Variants in RP1L1 observed in about 807,000 individuals in gnomAD.
RP1L1 encodes retinitis pigmentosa 1-like 1 protein.
In RP1L1, 27 loss-of-function variants were observed where a neutral mutation model predicts 15.7. The observed-to-expected ratio is 1.72, with a 90% CI of 1.27 to 2.38. The LOEUF (loss-of-function observed/expected upper bound fraction) is 2.38, where lower values mean the gene tolerates loss of function less well. Ranked by LOEUF, RP1L1 falls within the 30% of genes most tolerant of loss-of-function variation. The probability of loss-of-function intolerance (pLI) is 0.00; values close to 1 mark genes in which losing one functional copy is unlikely to be tolerated. For synonymous variants in RP1L1, 1,813 were observed against 1,276.7 expected (o/e 1.42, Z -8.96); for missense variants, 4,798 against 3,075.9 (o/e 1.56, Z -13.24).
chr8:10,614,718 A>G (rs1460568438), intron 3 of RP1L1, among the ~76,000 whole-genome samples: 4 of 143,830 alleles, frequency 2.8e-5, no homozygotes, highest in African/African-American at 1.1e-4. Context: ...GGAAGGAAGG[A>G]AAAAAAAAAG....
chr8:10,626,439 C>T (rs1268243945), intron 1 of RP1L1, among the ~76,000 whole-genome samples: 4 of 152,138 alleles, frequency 2.6e-5, no homozygotes, highest in Non-Finnish European at 5.9e-5. Context: ...GTGGGGCATG[C>T]AGCCCCCGGA....
Position 10,610,312 on chromosome 8 carries a change from C to G in RP1L1, c.3786G>C (p.Leu1262Phe), listed in dbSNP as rs1171094556. Residue 1262 changes from leucine to phenylalanine, a missense_variant, in exon 4 of 4, where the codon TTG (leucine) becomes TTC (phenylalanine). Leu to Phe is a conservative substitution (Grantham distance 22, BLOSUM62 0). Transcript: ENST00000382483. Reference sequence around the variant, plus strand: ...TGGCACAAGCGCAGGCTCGGGCGTTCAAGAAGGTTGGGAAACAACACTGCT... The same window carrying G: ...TGGCACAAGCGCAGGCTCGGGCGTTGAAGAAGGTTGGGAAACAACACTGCT... ...NQQQCCFPTFLNARACACATN... is the reference protein window; with the variant it reads ...NQQQCCFPTFFNARACACATN... The G allele has an allele frequency of 6.2e-7, 1 of 1,614,218 alleles. No individual in the cohort carries two copies.
At position 10,610,687 on chromosome 8, in the gene RP1L1, G is replaced by C. The variant is rs1210845144; in HGVS notation, c.3411C>G (p.Ser1137Arg). 7.4e-6 allele frequency: 12 copies of C among 1,612,270 alleles called. No individual in the cohort carries two copies. The highest frequency in any genetic ancestry group is 2.2e-5 in the East Asian group (1 of 44,856). The change falls in exon 4 of 4, where the codon AGC becomes AGG. Residue 1137 changes from serine (S) to arginine (R), a missense_variant. By Grantham distance (110) the Ser-to-Arg change is moderately radical (BLOSUM62 -1). Transcript: ENST00000382483. The part of the protein sequence containing the change: ...LFEEDLGSPA[S>R]KVRFKDSPRY... The stretch of plus-strand genomic sequence containing the variant: ...GAGGGGAGTCTTTGAACCTCACTTT[G>C]CTGGCAGGAGACCCAAGGTCTTCCT...
chr8:10,622,155 C>T (rs1243531882), intron 2 of RP1L1, among the ~76,000 whole-genome samples: 3 of 152,032 alleles, frequency 2.0e-5, no homozygotes, highest in Admixed American at 6.6e-5. Context: ...AACCCTGTCT[C>T]TACTAAAACT....
rs772135394 is a variant in RP1L1 at position 10,613,076 on chromosome 8, C to T, written c.1022G>A (p.Arg341Gln). Residue 341 changes from arginine (R) to glutamine (Q), a missense_variant, in exon 4 of 4, where the codon CGG becomes CAG. Coordinates refer to ENST00000382483, the MANE Select transcript of RP1L1 (RefSeq NM_178857.6). ...LVGEDTLLWSRRMGRASALTA... is the reference protein window; with the variant it reads ...LVGEDTLLWSQRMGRASALTA... Reference sequence around the variant, plus strand: ...GAGGGCGCTGGCCCTGCCCATCCTCCGGGACCATAGGAGCGTGTCCTCGCC... The same window carrying T: ...GAGGGCGCTGGCCCTGCCCATCCTCTGGGACCATAGGAGCGTGTCCTCGCC... 3.6e-5 allele frequency: 58 copies of T among 1,613,654 alleles called. No homozygotes were observed. Among genetic ancestry groups the T allele is most frequent in the African/African-American group, 1.2e-4 (9 of 74,950 alleles).
At position 10,610,437 on chromosome 8, in the gene RP1L1, C is replaced by G; in HGVS notation, c.3661G>C (p.Gly1221Arg). The stretch of plus-strand genomic sequence containing the variant: ...TCTGTCCCCTGTGTCACCAGGGTGC[C>G]GTCCATGGCACAGGGTACGCTACTC... Reference protein sequence around the residue: ...GESSVPCAMDGTLVTQGTELP... With the variant: ...GESSVPCAMDRTLVTQGTELP... Residue 1221 changes from glycine (G) to arginine (R), a missense_variant, in exon 4 of 4, where the codon GGC becomes CGC. Physicochemically the swap from Gly to Arg is moderately radical, Grantham distance 125. Transcript: ENST00000382483. 6.2e-7 allele frequency: 1 copy of G among 1,613,820 alleles called. No homozygotes were observed. The highest frequency in any genetic ancestry group is 8.5e-7 in the Non-Finnish European group (1 of 1,180,036).
At chr8:10,631,612 G>T (rs1407992357) in intron 1 of RP1L1, among the ~76,000 whole-genome samples, 3 of 152,230 alleles carry the variant, frequency 2.0e-5, no homozygotes, top group Admixed American at 6.5e-5. Flanking sequence ...GACATCCGAG[G>T]CTTGGCAAAG....
chr8:10,654,127 T>C (rs1798604208), intron 1 of RP1L1, among the ~76,000 whole-genome samples: 1 of 152,160 alleles, frequency 6.6e-6, no homozygotes, highest in African/African-American at 2.4e-5. Context: ...TCACTTGCCG[T>C]TGGAACCACT....
At chr8:10,639,775 C>T (rs1290983937) in intron 1 of RP1L1, among the ~76,000 whole-genome samples, 1 of 152,000 alleles carries the variant, frequency 6.6e-6, no homozygotes, top group Non-Finnish European at 1.5e-5. Context: ...ACATAGACTA[C>T]CTTTATTTCA....
In RP1L1 at chr8:10,611,725, G is replaced by T. The variant is rs1256831268; in HGVS notation, c.2373C>A (p.Ser791Arg). ...GCGTGTCCCTGGCCTCTTCCCCCAG[G>T]CTGGCAGCCCCAGATTTTGAGCAGG... ...SDSCSKSGAA[S>R]LGEEARDTPQ... Residue 791 changes from serine to arginine, a missense_variant, in exon 4 of 4, where the codon AGC becomes AGA. By Grantham distance (110) the Ser-to-Arg change is moderately radical. Transcript: ENST00000382483. 4 of 1,613,586 alleles carry T rather than the reference G, an allele frequency of 2.5e-6. No individual in the cohort carries two copies. Among genetic ancestry groups the T allele is most frequent in the Non-Finnish European group, 2.5e-6 (3 of 1,179,958 alleles).
At chr8:10,625,737 G>T (rs895111524) in intron 1 of RP1L1, among the ~76,000 whole-genome samples, 1 of 152,152 alleles carries the variant, frequency 6.6e-6, no homozygotes, top group Non-Finnish European at 1.5e-5. Context: ...ACAGGACCAC[G>T]CAGGAGCAGA....
chr8:10,652,112 G>C (rs946688943), intron 1 of RP1L1, among the ~76,000 whole-genome samples: 1 of 152,118 alleles, frequency 6.6e-6, no homozygotes, highest in Non-Finnish European at 1.5e-5. Flanking sequence ...ACACCATCTA[G>C]TTTCGTGCAA....
At chr8:10,618,436 A>G (rs999678643) in intron 2 of RP1L1, among the ~76,000 whole-genome samples, 3 of 152,206 alleles carry the variant, frequency 2.0e-5, no homozygotes, top group Non-Finnish European at 2.9e-5. Context: ...CAACCCTGGA[A>G]GCGGAGGATG....
At chr8:10,642,622 C>T (rs1798423168) in intron 1 of RP1L1, among the ~76,000 whole-genome samples, 1 of 152,196 alleles carries the variant, frequency 6.6e-6, no homozygotes, top group Non-Finnish European at 1.5e-5. Context: ...TTTGATTTTC[C>T]ATTAAATACA....
chr8:10,607,383 G>A lies in RP1L1; in HGVS notation c.6715C>T (p.Pro2239Ser). 2 of 1,607,872 alleles carry A rather than the reference G, an allele frequency of 1.2e-6. No individual in the cohort carries two copies. Among genetic ancestry groups the A allele is most frequent in the African/African-American group, 2.7e-5 (2 of 74,796 alleles). ...ETPEAEGEAQPESEGETQGEK... is the reference protein window; with the variant it reads ...ETPEAEGEAQSESEGETQGEK... ...CCTTGAGTTTCTCCTTCTGACTCTG[G>A]CTGGGCCTCCCCTTCAGCCTCCGGG... Residue 2239 changes from proline (P) to serine (S), a missense_variant, in exon 4 of 4, where the codon CCA becomes TCA. Coordinates refer to ENST00000382483, the MANE Select transcript of RP1L1 (RefSeq NM_178857.6).
chr8:10,630,918 C>T (rs1288506684), intron 1 of RP1L1, among the ~76,000 whole-genome samples: 3 of 152,162 alleles, frequency 2.0e-5, no homozygotes, highest in South Asian at 2.1e-4. Context: ...GACTTCCCAG[C>T]TGGGCTTGTG....
intron 1 of RP1L1, among the ~76,000 whole-genome samples, chr8:10,637,467 C>T (rs561418790): frequency 1.3e-5 from 2 of 152,238 alleles, no homozygotes; most frequent in East Asian, 1.9e-4. Flanking sequence ...AAATAAAAGC[C>T]GGCCACGGTG....
chr8:10,620,105 A>G (rs893719806), intron 2 of RP1L1, among the ~76,000 whole-genome samples: 1 of 152,202 alleles, frequency 6.6e-6, no homozygotes, highest in Admixed American at 6.5e-5. Flanking sequence ...ATCTTAGTCT[A>G]CAACACCTGT....
At chr8:10,626,146 AG>A (rs922615793) in intron 1 of RP1L1, among the ~76,000 whole-genome samples, 59 of 152,082 alleles carry the variant, frequency 3.9e-4, no homozygotes, top group African/African-American at 1.4e-3. Flanking sequence ...TTTTGTTGGC[AG>A]CCCTGGGAGC....
Sources: allele counts gnomAD v4.1 joint callset (sites outside exome capture counted in the v4.1 genomes callset), GRCh38; gene constraint gnomAD v4.1.1; transcripts MANE v1.5; gene names NCBI Gene and HGNC (gene_info 2026-07-23, HGNC 2026-07-21).